TPM4: variants seen among roughly 807,000 people sequenced by gnomAD.
The protein encoded by TPM4 is tropomyosin alpha-4 chain.
A neutral mutation model predicts 35.8 loss-of-function variants in TPM4; 17 were observed. That is an observed-to-expected ratio of 0.47 (90% CI 0.32 to 0.71). TPM4 has a LOEUF of 0.71. Among genes scored for constraint, TPM4 ranks in the 30% least tolerant of loss-of-function variants. TPM4 has a pLI of 0.03. For synonymous variants in TPM4, 120 were observed against 122.9 expected (o/e 0.98, Z 0.15); for missense variants, 240 against 320.9 (o/e 0.75, Z 1.93).
At chr19:16,097,024 G>A (rs574598993) in intron 7 of TPM4, among the ~76,000 whole-genome samples, 37 of 129,808 alleles carry the variant, frequency 2.9e-4, no homozygotes, top group African/African-American at 1.1e-3. Context: ...CGCCATCTTG[G>A]CTCACTGCAA....
rs1470154625 is a variant in TPM4, at chr19:16,067,760, C to G, written c.114+22C>G. ...GCAGGTGAGGTGCCCTCCGCTGGGCCGCTCCGGGCTGCTGGGAGTCCTCTC... is the reference window on the plus strand; with the variant it reads ...GCAGGTGAGGTGCCCTCCGCTGGGCGGCTCCGGGCTGCTGGGAGTCCTCTC... On this transcript the variant is annotated intron_variant, in intron 2 of 2. Coordinates refer to the TPM4 transcript ENST00000589897. This position sits in a 1 kb window ranked among gnomAD's most constrained non-coding sequence, Gnocchi z 4.1. 91 of 1,604,212 alleles carry G rather than the reference C, an allele frequency of 5.7e-5. No homozygotes were observed. The highest frequency in any genetic ancestry group is 7.3e-5 in the Non-Finnish European group (86 of 1,176,400).
At chr19:16,088,627 T>C in intron 4 of TPM4, 1 of 1,032,194 alleles carries the variant, frequency 9.7e-7, no homozygotes, top group Non-Finnish European at 1.2e-6. Context: ...CTGAGAGAGA[T>C]CTGGTTTCAC....
chr19:16,085,331 G>A (rs772191472), intron 2 of TPM4, among the ~76,000 whole-genome samples: 6 of 152,048 alleles, frequency 3.9e-5, no homozygotes, highest in East Asian at 1.9e-4. Context: ...ACGACTCACC[G>A]CAGCCTTGAA....
At chr19:16,082,859 G>A (rs149846828) in intron 2 of TPM4, among the ~76,000 whole-genome samples, 3,230 of 152,076 alleles carry the variant, frequency 0.021, 126 homozygotes, top group African/African-American at 0.074. Flanking sequence ...GGGTGTGGTG[G>A]TGCACGCCTG....
At chr19:16,076,098 G>A, upstream of TPM4, 1 of 1,605,066 alleles carries the variant, frequency 6.2e-7, no homozygotes, top group South Asian at 1.1e-5. Flanking sequence ...GACAGAGGAC[G>A]AGCTGGATAA....
chr19:16,076,753 C>G, intron 1 of TPM4, 56 bp downstream of exon 1: 2 of 1,284,100 alleles, frequency 1.6e-6, no homozygotes, highest in Non-Finnish European at 9.9e-7. Flanking sequence ...GCGCGCCCTC[C>G]TTTCTTCCCG....
rs1303961511 is a variant in TPM4 at position 16,067,938 on chromosome 19, C to T, written c.114+200C>T. The T allele has an allele frequency of 1.9e-6, 1 of 533,616 alleles. No individual in the cohort carries two copies. Among genetic ancestry groups the T allele is most frequent in the African/African-American group, 2.0e-5 (1 of 50,240 alleles). The allele number at this position is 533,616 out of a possible 1,614,324, so 33.1% of individuals were successfully genotyped here. A position where few individuals can be genotyped will look rare whatever the true frequency, so the allele number is the denominator to read the frequency against. ...GAAGAGGGGTGACGATCGGACCCAC[C>T]CCCAGCAGGGCCAGTGCGAACAAAG... On this transcript the variant is annotated intron_variant, in intron 2 of 2. Transcript: ENST00000589897. This position sits in a 1 kb window ranked among gnomAD's most constrained non-coding sequence, Gnocchi z 4.1.
At chr19:16,072,898 C>T (rs1409295232), upstream of TPM4, among the ~76,000 whole-genome samples, 1 of 152,204 alleles carries the variant, frequency 6.6e-6, no homozygotes, top group Non-Finnish European at 1.5e-5. Flanking sequence ...CAGAGCAAGA[C>T]TCTGTCTCAA....
At chr19:16,071,451 C>G (rs1232880576) in intron 2 of TPM4, among the ~76,000 whole-genome samples, 2 of 152,194 alleles carry the variant, frequency 1.3e-5, no homozygotes, top group Non-Finnish European at 1.5e-5. Flanking sequence ...TCCCAAAGTG[C>G]TGGGATCACA....
At chr19:16,073,959 A>G (rs2090378892), upstream of TPM4, among the ~76,000 whole-genome samples, 1 of 120,074 alleles carries the variant, frequency 8.3e-6, no homozygotes, top group Non-Finnish European at 1.7e-5. Flanking sequence ...AAAAAAAAAA[A>G]ACGCAAAAAA....
intron 2 of TPM4, among the ~76,000 whole-genome samples, chr19:16,082,887 G>T (rs899313275): frequency 4.0e-5 from 6 of 150,800 alleles, no homozygotes; most frequent in African/African-American, 1.5e-4. Flanking sequence ...GGCTACTCAA[G>T]AGGCTGAGGT....
chr19:16,093,647 T>G lies in TPM4; in HGVS notation c.595-37T>G, dbSNP rs538240522. 13 of 1,614,240 alleles carry G rather than the reference T, an allele frequency of 8.1e-6. No individual in the cohort carries two copies. The South Asian group carries it at 1.4e-4, about 18-fold the overall frequency. ...GCTCTGGTTTCTCCTGGGGCTGGTC[T>G]TGAAGCCATGATAGTAACTCCTTTC... On this transcript the variant is annotated intron_variant, in intron 6 of 7. Coordinates refer to ENST00000643579, the MANE Select transcript of TPM4 (RefSeq NM_003290.3).
upstream of TPM4, chr19:16,076,481 G>A (rs984635198): frequency 4.5e-6 from 6 of 1,330,720 alleles, no homozygotes; most frequent in Non-Finnish European, 4.8e-6. Flanking sequence ...GGCTTGGGGG[G>A]CCGGGGCGCG....
In TPM4 at chr19:16,092,755, C is replaced by T. The variant is rs971096625; in HGVS notation, c.532-781C>T. 5.3e-5 allele frequency among the ~76,000 whole-genome samples: 8 copies of T among 152,302 alleles called. No homozygotes were observed. In the East Asian group the frequency reaches 1.2e-3, roughly 22 times the overall value. ...TTCGCCATGTTGGCCAGGCTGGTCT[C>T]GAACTCCTGACCTCAAGCGATCCAC... On this transcript the variant is annotated intron_variant, in intron 5 of 7. Coordinates refer to ENST00000643579, the MANE Select transcript of TPM4 (RefSeq NM_003290.3).
Position 16,080,318 on chromosome 19 carries a change from G to T in TPM4, c.133-1595G>T, listed in dbSNP as rs541047645. Reference sequence around the variant, plus strand: ...GTTTCTTCACCTGTAAAATGGGTGCGATGTGTGAGGATGAAATTGCAGTAA... The same window carrying T: ...GTTTCTTCACCTGTAAAATGGGTGCTATGTGTGAGGATGAAATTGCAGTAA... On this transcript the variant is annotated intron_variant, in intron 1 of 7. Transcript: ENST00000643579. 4.3e-5 allele frequency: 9 copies of T among 207,732 alleles called. No individual in the cohort carries two copies. The East Asian group carries it at 6.5e-4, about 15-fold the overall frequency. 12.9% of individuals were successfully genotyped at this position (207,732 alleles called of 1,614,324 possible). A position where few individuals can be genotyped will look rare whatever the true frequency, so the allele number is the denominator to read the frequency against.
chr19:16,069,552 G>C (rs200455888), intron 2 of TPM4, among the ~76,000 whole-genome samples: 67 of 3,964 alleles, frequency 0.017, no homozygotes, highest in East Asian at 0.027. Context: ...GTGTGGATGA[G>C]TGTGTGTTTC....
Position 16,088,074 on chromosome 19 carries a change from G to A in TPM4, c.432G>A (p.Glu144=), listed in dbSNP as rs71334798. 2 of 1,612,266 alleles carry A rather than the reference G, an allele frequency of 1.2e-6. No homozygotes were observed. The highest frequency in any genetic ancestry group is 1.7e-6 in the Non-Finnish European group (2 of 1,179,542). The change falls in exon 4 of 8, where the codon GAG becomes GAA. Residue 144 remains glutamate (E), a synonymous_variant. Coordinates refer to ENST00000643579, the MANE Select transcript of TPM4 (RefSeq NM_003290.3). ...VILEGELERA[E]ERAEVSELKC... ...TGGAGGGTGAGCTGGAGAGGGCAGA[G>A]GAGCGTGCGGAGGTGTCTGAACTGT...
chr19:16,095,206 C>A (rs2090679420), intron 7 of TPM4: 2 of 1,006,788 alleles, frequency 2.0e-6, no homozygotes, highest in East Asian at 1.4e-4. Context: ...CCATTCCGAC[C>A]CTTGCCTTCT....
At chr19:16,091,644 G>A (rs531121786) in intron 5 of TPM4, among the ~76,000 whole-genome samples, 2 of 152,210 alleles carry the variant, frequency 1.3e-5, no homozygotes, top group East Asian at 3.9e-4. Context: ...GCATGGTGGT[G>A]CATGCTTGTG....
Sources: allele counts gnomAD v4.1 joint callset (sites outside exome capture counted in the v4.1 genomes callset), GRCh38; gene constraint gnomAD v4.1.1; non-coding constraint Gnocchi (gnomAD v3.1); transcripts MANE v1.5; gene names NCBI Gene and HGNC (gene_info 2026-07-23, HGNC 2026-07-21).